TANGO6: variants seen among roughly 807,000 people sequenced by gnomAD.
The protein encoded by TANGO6 is transport and Golgi organization protein 6 homolog.
Under a neutral mutation model 114.2 loss-of-function variants are expected in TANGO6, and 90 were observed. That is an observed-to-expected ratio of 0.79 (90% CI 0.66 to 0.94). The LOEUF is 0.94. TANGO6 is among the 40% of genes least tolerant of loss of function. The pLI, the probability that TANGO6 is intolerant of heterozygous loss-of-function variation, is 0.00. For synonymous variants in TANGO6, 477 were observed against 509.8 expected (o/e 0.94, Z 0.87); for missense variants, 1,274 against 1,315.3 (o/e 0.97, Z 0.49).
At chr16:68,893,208 G>A (rs1415861873) in intron 7 of TANGO6, among the ~76,000 whole-genome samples, 1 of 152,080 alleles carries the variant, frequency 6.6e-6, no homozygotes, top group Non-Finnish European at 1.5e-5. Context: ...GAGCAAACTT[G>A]CAGTCAAGTC....
intron 4 of TANGO6, among the ~76,000 whole-genome samples, chr16:68,872,688 T>G (rs1343232878): frequency 1.3e-5 from 2 of 151,366 alleles, no homozygotes; most frequent in Non-Finnish European, 2.9e-5. Flanking sequence ...TTTTTAGATG[T>G]TATTCACATA....
intron 15 of TANGO6, among the ~76,000 whole-genome samples, chr16:68,984,315 CAACA>C (rs1963871466): frequency 6.6e-6 from 1 of 152,096 alleles, no homozygotes; most frequent in Admixed American, 6.6e-5. Flanking sequence ...TAGTTCAATT[CAACA>C]AACATTTATA....
At chr16:69,075,211 C>G (rs1015773655) in intron 17 of TANGO6, among the ~76,000 whole-genome samples, 13 of 147,510 alleles carry the variant, frequency 8.8e-5, no homozygotes, top group African/African-American at 3.0e-4. Context: ...GTCTAAGTCT[C>G]TCTCTCAACT....
chr16:68,944,931 G>A (rs1193283817), intron 14 of TANGO6, among the ~76,000 whole-genome samples: 2 of 152,212 alleles, frequency 1.3e-5, no homozygotes, highest in Non-Finnish European at 2.9e-5. Context: ...CAGATCACTT[G>A]AGGTCAGGAG....
intron 1 of TANGO6, among the ~76,000 whole-genome samples, chr16:68,848,955 A>G (rs1961859052): frequency 6.6e-6 from 1 of 152,042 alleles, no homozygotes; most frequent in African/African-American, 2.4e-5. Flanking sequence ...CATCTGAGGT[A>G]TTTCCTGCCC....
intron 14 of TANGO6, among the ~76,000 whole-genome samples, chr16:68,949,963 A>T (rs1963456241): frequency 6.6e-6 from 1 of 152,208 alleles, no homozygotes; most frequent in Non-Finnish European, 1.5e-5. Flanking sequence ...TTTGGCAGTA[A>T]AAAGGAATGA....
At chr16:68,987,494 G>A (rs974645190) in intron 15 of TANGO6, among the ~76,000 whole-genome samples, 5 of 152,030 alleles carry the variant, frequency 3.3e-5, no homozygotes, top group Admixed American at 6.5e-5. Context: ...TCAGCCTTCC[G>A]AGTGGCTGGG....
In TANGO6 at chr16:68,863,053, C is replaced by A; in HGVS notation, c.844C>A (p.Pro282Thr). 6.4e-7 allele frequency: 1 copy of A among 1,567,628 alleles called. No homozygotes were observed. Residue 282 changes from proline to threonine, a missense_variant, in exon 3 of 18, where the codon CCA becomes ACA. Around this residue, in one of 5 missense-constraint regions of TANGO6, gnomAD observed 908 missense variants for 910.2 expected, o/e 1.00. Transcript: ENST00000261778. ...VRELLILQGG[P>T]PQSCTDVKTQ... is the part of the protein sequence containing the mutation. ...GGAACTGCTTATCCTCCAGGGAGGACCACCCCAGGTACTCAGGCCTAGGGA... is the reference window on the plus strand; with the variant it reads ...GGAACTGCTTATCCTCCAGGGAGGAACACCCCAGGTACTCAGGCCTAGGGA...
chr16:69,038,359 G>A (rs1404696074), intron 16 of TANGO6, among the ~76,000 whole-genome samples: 8 of 151,934 alleles, frequency 5.3e-5, no homozygotes, highest in Admixed American at 2.6e-4. Flanking sequence ...GAACCCGGGA[G>A]GCAGAGGTTG....
intron 17 of TANGO6, among the ~76,000 whole-genome samples, chr16:69,076,042 C>T (rs146187919): frequency 0.038 from 5,609 of 148,714 alleles, 141 homozygotes; most frequent in Admixed American, 0.056. Context: ...GGATTACAGG[C>T]GTGAGCCACC....
At chr16:68,867,259 T>A in intron 4 of TANGO6, 39 bp downstream of exon 4, 1 of 1,612,560 alleles carries the variant, frequency 6.2e-7, no homozygotes, top group Non-Finnish European at 8.5e-7. Flanking sequence ...GGTATCTGTT[T>A]TCCTTTGAGT....
intron 14 of TANGO6, among the ~76,000 whole-genome samples, chr16:68,940,669 G>C (rs1340420878): frequency 6.6e-6 from 1 of 151,978 alleles, no homozygotes; most frequent in Non-Finnish European, 1.5e-5. Context: ...TTAGCTTATA[G>C]GGCTTTAGGA....
chr16:69,059,449 G>T (rs1025772818), intron 17 of TANGO6, among the ~76,000 whole-genome samples: 1 of 151,460 alleles, frequency 6.6e-6, no homozygotes, highest in African/African-American at 2.4e-5. Context: ...TAGGTGTTCC[G>T]CCCGCCTCAG....
intron 14 of TANGO6, among the ~76,000 whole-genome samples, chr16:68,935,191 G>A (rs113838030): frequency 3.9e-5 from 6 of 152,326 alleles, no homozygotes; most frequent in African/African-American, 1.4e-4. Flanking sequence ...AGTCAGACAA[G>A]ACCAGCCCAC....
intron 16 of TANGO6, among the ~76,000 whole-genome samples, chr16:69,030,923 G>T (rs1276592283): frequency 1.3e-5 from 2 of 151,752 alleles, no homozygotes; most frequent in Non-Finnish European, 1.5e-5. Flanking sequence ...GGGCATGGTG[G>T]TGCACGCCTG....
chr16:68,996,743 T>C (rs1418897054), intron 15 of TANGO6, among the ~76,000 whole-genome samples: 1 of 152,222 alleles, frequency 6.6e-6, no homozygotes, highest in African/African-American at 2.4e-5. Flanking sequence ...CCTTTGACCA[T>C]TTTATGCTTT....
intron 9 of TANGO6, among the ~76,000 whole-genome samples, chr16:68,905,052 G>A (rs761856785): frequency 9.2e-5 from 14 of 152,080 alleles, no homozygotes; most frequent in Middle Eastern, 3.2e-3. Context: ...GAGAAACCCC[G>A]TCTCTACTAA....
At chr16:69,053,894 C>T (rs992703900) in intron 17 of TANGO6, among the ~76,000 whole-genome samples, 1 of 152,072 alleles carries the variant, frequency 6.6e-6, no homozygotes, top group African/African-American at 2.4e-5. Flanking sequence ...CGAAACCCGT[C>T]TCTACTAAAA....
At chr16:68,922,743 C>A (rs1370936472) in intron 12 of TANGO6, among the ~76,000 whole-genome samples, 1 of 152,014 alleles carries the variant, frequency 6.6e-6, no homozygotes, top group Non-Finnish European at 1.5e-5. Context: ...CAGACCATTC[C>A]AGACCTTCTT....
Sources: gnomAD v4.1 joint callset for allele counts (sites outside exome capture counted in the v4.1 genomes callset) on GRCh38, gnomAD v4.1.1 for gene constraint, gnomAD v4.1.1 regional missense constraint, MANE v1.5 for transcripts, NCBI Gene and HGNC (gene_info 2026-07-23, HGNC 2026-07-21) for gene names.